NTNG2: variants seen among roughly 807,000 people sequenced by gnomAD.
The protein encoded by NTNG2 is netrin-G2.
A neutral mutation model predicts 47.6 loss-of-function variants in NTNG2; 15 were observed. The ratio of observed to expected loss-of-function variants is 0.32; its 90% confidence interval spans 0.21 to 0.49. The LOEUF is 0.49. Among genes scored for constraint, NTNG2 ranks in the 20% least tolerant of loss-of-function variants. NTNG2 has a pLI of 0.99. For missense variants in NTNG2, 578 were observed against 764.6 expected, an observed-to-expected ratio of 0.76 and a Z score of 2.88; for synonymous variants, 307 against 324.6, an observed-to-expected ratio of 0.95 and a Z score of 0.58.
chr9:132,235,557 G>A (rs755640887), intron 5 of NTNG2, among the ~76,000 whole-genome samples: 5 of 152,348 alleles, frequency 3.3e-5, no homozygotes, highest in South Asian at 2.1e-4. Context: ...TAAGGGGCCT[G>A]TGGGGTGCGG....
At chr9:132,227,945 A>C (rs901396321) in intron 4 of NTNG2, among the ~76,000 whole-genome samples, 8 of 152,190 alleles carry the variant, frequency 5.3e-5, no homozygotes, top group African/African-American at 1.9e-4. Context: ...TTGGTGTCCG[A>C]GGCCCTCCTA....
chr9:132,239,193 G>C lies in NTNG2; in HGVS notation c.1144G>C (p.Gly382Arg). 1 of 1,613,894 alleles carries C rather than the reference G, an allele frequency of 6.2e-7. No homozygotes were observed. Among genetic ancestry groups the C allele is most frequent in the Non-Finnish European group, 8.5e-7 (1 of 1,180,020 alleles). The change falls in exon 6 of 8, where the codon GGT becomes CGT. Residue 382 changes from glycine to arginine, a missense_variant. Transcript: ENST00000393229. ...CGTCAGCTGCAAGCACAACACGCGA[G>C]GTCAGCACTGCCAGCACTGCCGGCT... The part of the protein sequence containing the change: ...TCVSCKHNTR[G>R]QHCQHCRLGY...
rs1168840118 is a variant in NTNG2, at chr9:132,208,199, A to G, written c.857+9590A>G. The stretch of plus-strand genomic sequence containing the variant: ...CCTCCAGGGAGGGGGGCTTTGAAGG[A>G]GAAACCTGAAGGGGGAACGGGGGCA... On this transcript the variant is annotated intron_variant, in intron 3 of 7. Coordinates refer to ENST00000393229, the MANE Select transcript of NTNG2 (RefSeq NM_032536.4). The surrounding 1 kb of genome is among the most constrained non-coding windows in gnomAD (Gnocchi z 4.0). Among the ~76,000 whole-genome samples the G allele has an allele frequency of 1.3e-5, 2 of 151,824 alleles. No homozygotes were observed. The highest frequency in any genetic ancestry group is 2.9e-5 in the Non-Finnish European group (2 of 67,962).
chr9:132,185,915 G>T (rs1222520384), intron 2 of NTNG2, among the ~76,000 whole-genome samples: 1 of 151,534 alleles, frequency 6.6e-6, no homozygotes, highest in Non-Finnish European at 1.5e-5. Context: ...GAGCAGCAGC[G>T]GCTGAGCGCT....
At chr9:132,185,594 T>G (rs1056814687) in intron 2 of NTNG2, among the ~76,000 whole-genome samples, 4 of 152,230 alleles carry the variant, frequency 2.6e-5, no homozygotes, top group South Asian at 2.1e-4. Context: ...AATAATGCAC[T>G]TTCCTGGGCT....
At chr9:132,214,930 G>T (rs868546622) in intron 3 of NTNG2, among the ~76,000 whole-genome samples, 1 of 151,938 alleles carries the variant, frequency 6.6e-6, no homozygotes, top group Admixed American at 6.5e-5. Flanking sequence ...GAAGGGCAGT[G>T]CAGTGGCACA....
intron 2 of NTNG2, among the ~76,000 whole-genome samples, chr9:132,167,989 T>C (rs775847891): frequency 1.1e-4 from 17 of 152,146 alleles, no homozygotes; most frequent in Non-Finnish European, 1.3e-4. Context: ...CCTAGGGTCA[T>C]TGTGAGGAGT....
At chr9:132,195,558 A>T (rs554711611) in intron 2 of NTNG2, among the ~76,000 whole-genome samples, 2 of 132,850 alleles carry the variant, frequency 1.5e-5, no homozygotes, top group East Asian at 4.4e-4. Flanking sequence ...TGATCTCCTG[A>T]CCTCGTGATC....
At chr9:132,177,287 T>A (rs2131336624) in intron 2 of NTNG2, among the ~76,000 whole-genome samples, 1 of 152,276 alleles carries the variant, frequency 6.6e-6, no homozygotes, top group African/African-American at 2.4e-5. Flanking sequence ...ACGCCCAGCC[T>A]ATTTTAAATT....
chr9:132,216,424 GTGTA>G (rs57783026), intron 3 of NTNG2, among the ~76,000 whole-genome samples: 1,324 of 34,850 alleles, frequency 0.038, 19 homozygotes, highest in African/African-American at 0.085. Flanking sequence ...CTGTGTGTGT[GTGTA>G]TGTGTGTGTG....
At chr9:132,224,861 C>T (rs1840620812) in intron 3 of NTNG2, among the ~76,000 whole-genome samples, 1 of 152,172 alleles carries the variant, frequency 6.6e-6, no homozygotes, top group Non-Finnish European at 1.5e-5. Flanking sequence ...CTTCTTGTTT[C>T]ATCTGTACCT....
At chr9:132,188,496 C>T (rs967063052) in intron 2 of NTNG2, among the ~76,000 whole-genome samples, 2 of 152,242 alleles carry the variant, frequency 1.3e-5, no homozygotes, top group Non-Finnish European at 2.9e-5. Context: ...TGCCGAGCCG[C>T]ATGACCCTGC....
At chr9:132,184,436 C>A (rs1352039704) in intron 2 of NTNG2, among the ~76,000 whole-genome samples, 1 of 152,242 alleles carries the variant, frequency 6.6e-6, no homozygotes, top group Non-Finnish European at 1.5e-5. Flanking sequence ...GAAGAAGCCA[C>A]TGGGGAAAAC....
At chr9:132,202,284 C>A (rs548719345) in intron 3 of NTNG2, among the ~76,000 whole-genome samples, 5 of 152,232 alleles carry the variant, frequency 3.3e-5, no homozygotes, top group Non-Finnish European at 7.4e-5. Context: ...CACCTGGCTG[C>A]AGAGGAGGAG....
Position 132,230,574 on chromosome 9 carries a change from G to T in NTNG2, c.1033G>T (p.Ala345Ser), listed in dbSNP as rs936410415. Residue 345 changes from alanine (A) to serine (S), a missense_variant and splice_region_variant, in exon 5 of 8, where the codon GCC becomes TCC. Physicochemically the swap from Ala to Ser is moderately conservative, Grantham distance 99 (BLOSUM62 1). Coordinates refer to ENST00000393229, the MANE Select transcript of NTNG2 (RefSeq NM_032536.4). ...TCACGCCCGTCTCTCTCCCACAGGT[G>T]CCACTGCAGGTTCCTTTGGCAGTAA... is the stretch of plus-strand genomic sequence containing the variant. ...PLPHGSPNACATAGSFGNCEC... is the reference protein window; with the variant it reads ...PLPHGSPNACSTAGSFGNCEC... 1 of 1,604,682 alleles carries T rather than the reference G, an allele frequency of 6.2e-7. No homozygotes were observed. Among genetic ancestry groups the T allele is most frequent in the Non-Finnish European group, 8.5e-7 (1 of 1,175,558 alleles).
chr9:132,238,290 C>T (rs1159748571), intron 5 of NTNG2, among the ~76,000 whole-genome samples: 2 of 152,288 alleles, frequency 1.3e-5, no homozygotes, highest in African/African-American at 4.8e-5. Context: ...CAGGCAGTCA[C>T]GGGCTTGTCT....
At position 132,182,027 on chromosome 9, in the gene NTNG2, TC is replaced by T. The variant is rs1234812939; in HGVS notation, c.213+14988del. Among the ~76,000 whole-genome samples the T allele has an allele frequency of 6.6e-6, 1 of 152,018 alleles. No homozygotes were observed. Among genetic ancestry groups the T allele is most frequent in the Non-Finnish European group, 1.5e-5 (1 of 67,992 alleles). Reference sequence around the variant, plus strand: ...GCATACTGTCCCTGTCAGCCTCTCCTCCCCCAGCACACCCCGGCAGCCCAGA... The same window carrying T: ...GCATACTGTCCCTGTCAGCCTCTCCTCCCCAGCACACCCCGGCAGCCCAGA... On this transcript the variant is annotated intron_variant, in intron 2 of 7. Transcript: ENST00000393229. This position sits in a 1 kb window ranked among gnomAD's most constrained non-coding sequence, Gnocchi z 4.2.
rs1290236996 is a variant in NTNG2, at chr9:132,163,479, A to T, written c.-484+1240A>T. On this transcript the variant is annotated intron_variant, in intron 1 of 7. Transcript: ENST00000393229. The surrounding 1 kb of genome is among the most constrained non-coding windows in gnomAD (Gnocchi z 7.2). ...ACAGTGAGCGCGGGGCGCCCGCTGG[A>T]CCCCGCCCGGGGCAGAGGACGGGAA... Among the ~76,000 whole-genome samples, 4 of 151,422 alleles carry T rather than the reference A, an allele frequency of 2.6e-5. No homozygotes were observed. The East Asian group carries it at 7.8e-4, about 29-fold the overall frequency.
intron 3 of NTNG2, among the ~76,000 whole-genome samples, chr9:132,204,328 C>G (rs1839004812): frequency 6.6e-6 from 1 of 152,216 alleles, no homozygotes; most frequent in Non-Finnish European, 1.5e-5. Flanking sequence ...ACCCTCCCCT[C>G]TTTCTTGCCT....
Sources: gnomAD v4.1 joint callset for allele counts (sites outside exome capture counted in the v4.1 genomes callset) on GRCh38, gnomAD v4.1.1 for gene constraint, Gnocchi (gnomAD v3.1) non-coding constraint, MANE v1.5 for transcripts, NCBI Gene and HGNC (gene_info 2026-07-23, HGNC 2026-07-21) for gene names.